The following WDR13 variants were observed in gnomAD, a reference collection of about 807,000 sequenced individuals.
The protein encoded by WDR13 is WD repeat-containing protein 13.
WDR13 carries 1 observed loss-of-function variant against 28.6 expected under a neutral mutation model. The observed-to-expected ratio is 0.03, with a 90% CI of 0.01 to 0.17. WDR13 has a LOEUF of 0.17. Among genes scored for constraint, WDR13 ranks in the 10% least tolerant of loss-of-function variants. The pLI is 1.00. For synonymous variants in WDR13, 201 were observed against 185.9 expected (o/e 1.08, Z -0.66); for missense variants, 264 against 469.3 (o/e 0.56, Z 4.04).
intron 3 of WDR13, 176 bp from the exon 4 acceptor site, chrX:48,599,177 C>A (rs1189004268): frequency 3.1e-6 from 2 of 647,067 alleles, no homozygotes; most frequent in African/African-American, 2.2e-5. Flanking sequence ...AGGGGGAGGG[C>A]AGGAACAGCA....
At position 48,598,996 on chromosome X, in the gene WDR13, C is replaced by T. The variant is rs782548116; in HGVS notation, c.282+39C>T. On this transcript the variant is annotated intron_variant, in intron 3 of 9. Coordinates refer to ENST00000376729, the MANE Select transcript of WDR13 (RefSeq NM_001347217.2). The stretch of plus-strand genomic sequence containing the variant: ...CACATTCACCCCCGGGCATACCCTG[C>T]CTGCACACATTCACTCCACTGACTT... The T allele has an allele frequency of 1.0e-4, 121 of 1,168,911 alleles. No individual in the cohort carries two copies. In the Admixed American group the frequency reaches 2.8e-3, roughly 27 times the overall value.
rs1569489636 is a variant in WDR13 at position 48,607,678 on chromosome X, T to C, written c.*2646T>C. 9.1e-6 allele frequency: 1 copy of C among 109,461 alleles called. No homozygotes were observed. Among genetic ancestry groups the C allele is most frequent in the African/African-American group, 3.3e-5 (1 of 30,013 alleles). The allele number at this position is 109,461 out of a possible 1,213,427, so 9.0% of individuals were successfully genotyped here. On this transcript the variant is annotated 3_prime_UTR_variant, in exon 10 of 10. Coordinates refer to ENST00000376729, the MANE Select transcript of WDR13 (RefSeq NM_001347217.2). Reference sequence around the variant, plus strand: ...CACCTGGCTGGTATCAAGTTTTTATTGGGGCATGGTCACATAGGCACCCCC... The same window carrying C: ...CACCTGGCTGGTATCAAGTTTTTATCGGGGCATGGTCACATAGGCACCCCC...
In WDR13 at chrX:48,607,575, C is replaced by G. The variant is rs781934819; in HGVS notation, c.*2543C>G. The G allele has an allele frequency of 9.2e-6, 1 of 108,816 alleles. No individual in the cohort carries two copies. The highest frequency in any genetic ancestry group is 1.9e-5 in the Non-Finnish European group (1 of 52,496). 9.0% of individuals were successfully genotyped at this position (108,816 alleles called of 1,213,427 possible). ...TAGGGATGGGGTTTCACCATGTTGGCCAGGCTGATCTTGAACTCCTGACCT... is the reference window on the plus strand; with the variant it reads ...TAGGGATGGGGTTTCACCATGTTGGGCAGGCTGATCTTGAACTCCTGACCT... On this transcript the variant is annotated 3_prime_UTR_variant, in exon 10 of 10. Transcript: ENST00000376729.
Position 48,598,822 on chromosome X carries a change from G to T in WDR13, c.147G>T (p.Ala49=). The T allele has an allele frequency of 8.3e-7, 1 of 1,205,454 alleles. No individual in the cohort carries two copies. Among genetic ancestry groups the T allele is most frequent in the Non-Finnish European group, 1.1e-6 (1 of 892,527 alleles). The change falls in exon 3 of 10, where the codon GCG becomes GCT. Residue 49 remains alanine, a synonymous_variant. Coordinates refer to ENST00000376729, the MANE Select transcript of WDR13 (RefSeq NM_001347217.2). The stretch of plus-strand genomic sequence containing the variant: ...ATGCCAAGGCTGGGCACCCCCCAGC[G>T]CTGCGTCGGCAGTACCTGAGGCTTC... ...RENAKAGHPP[A]LRRQYLRLRG...
In WDR13 at chrX:48,604,284, C is replaced by T. The variant is rs143153713; in HGVS notation, c.1167C>T (p.Asn389=). The T allele has an allele frequency of 9.5e-5, 115 of 1,209,664 alleles. No individual in the cohort carries two copies. The highest frequency in any genetic ancestry group is 1.2e-4 in the Non-Finnish European group (107 of 894,738). Residue 389 remains asparagine, a synonymous_variant, in exon 9 of 10, where the codon AAC becomes AAT. Coordinates refer to ENST00000376729, the MANE Select transcript of WDR13 (RefSeq NM_001347217.2). The stretch of plus-strand genomic sequence containing the variant: ...CTCATCCTCTCAGGGTGGTAGACAA[C>T]GAGGGGACCCTGCAGCTGAAGAGAA... The part of the protein sequence containing the change: ...NKLLLYRVVD[N]EGTLQLKRSF...
chrX:48,604,083 G>A (rs782442516), intron 8 of WDR13, 189 bp from the exon 9 acceptor site: 109 of 403,860 alleles, frequency 2.7e-4, no homozygotes, highest in African/African-American at 2.3e-3. Flanking sequence ...AGGCTGCAGT[G>A]AGCCGTGATC....
chrX:48,598,316 A>G, intron 2 of WDR13: 1 of 1,041,892 alleles, frequency 9.6e-7, no homozygotes, highest in South Asian at 2.8e-5. Context: ...CCTATCCCCT[A>G]TGGGTGTCCC....
At position 48,601,927 on chromosome X, in the gene WDR13, T is replaced by C; in HGVS notation, c.975T>C (p.Arg325=). The change falls in exon 7 of 10, where the codon CGT becomes CGC. Residue 325 remains arginine, a synonymous_variant. Coordinates refer to ENST00000376729, the MANE Select transcript of WDR13 (RefSeq NM_001347217.2). ...PGRLLWAGDD[R]GSVFSFLFDM... ...GGCTGCTCTGGGCGGGTGATGACCG[T>C]GGCAGTGTCTTCTCTTTCCTCTTTG... 8.4e-7 allele frequency: 1 copy of C among 1,197,213 alleles called. No individual in the cohort carries two copies. The highest frequency in any genetic ancestry group is 1.7e-5 in the African/African-American group (1 of 57,702).
intron 5 of WDR13, 174 bp from the exon 6 acceptor site, chrX:48,600,145 C>T (rs1461173994): frequency 4.2e-6 from 2 of 480,142 alleles, no homozygotes; most frequent in Middle Eastern, 5.4e-4. Flanking sequence ...GGAGCTTTGG[C>T]AGAGGGTCTT....
Position 48,599,372 on chromosome X carries a change from G to C in WDR13, c.302G>C (p.Arg101Pro). The change falls in exon 4 of 10, where the codon CGG becomes CCG. Residue 101 changes from arginine (R) to proline (P), a missense_variant. Arg to Pro is a moderately radical substitution (Grantham distance 103). Transcript: ENST00000376729. ...TTGCAGGACTTTGAGGATGATCCTC[G>C]GGCCCTGGGGGCCCGTGGGCACCGT... ...DRMEDFEDDP[R>P]ALGARGHRRS... 1.7e-6 allele frequency: 2 copies of C among 1,199,079 alleles called. No homozygotes were observed. The highest frequency in any genetic ancestry group is 2.2e-6 in the Non-Finnish European group (2 of 890,488).
intron 8 of WDR13, among the ~76,000 whole-genome samples, chrX:48,603,580 G>A (rs1228394791): frequency 3.6e-5 from 4 of 111,734 alleles, no homozygotes; most frequent in East Asian, 2.8e-4. Flanking sequence ...CTTGGGAGGC[G>A]GAGGTTGCAG....
intron 2 of WDR13, chrX:48,598,413 C>T: frequency 9.9e-7 from 1 of 1,010,772 alleles, no homozygotes; most frequent in Admixed American, 5.1e-5. Context: ...AGTCTGATTT[C>T]TGTCGCCCTG....
rs1406599671 is a variant in WDR13 at position 48,605,931 on chromosome X, CAGAG to C, written c.*903_*906del. 5 of 110,244 alleles carry C rather than the reference CAGAG, an allele frequency of 4.5e-5. No homozygotes were observed. The highest frequency in any genetic ancestry group is 9.5e-5 in the Non-Finnish European group (5 of 52,899). 9.1% of individuals were successfully genotyped at this position (110,244 alleles called of 1,213,427 possible). A position where few individuals can be genotyped will look rare whatever the true frequency, so the allele number is the denominator to read the frequency against. On this transcript the variant is annotated 3_prime_UTR_variant, in exon 10 of 10. Coordinates refer to ENST00000376729, the MANE Select transcript of WDR13 (RefSeq NM_001347217.2). ...TAGTGTAGGGGGAGAACATTCCAGG[CAGAG>C]AGAAAGCCAGCCTAAAGGCACTGAG...
intron 3 of WDR13, 141 bp from the exon 4 acceptor site, chrX:48,599,212 T>A: frequency 1.6e-6 from 1 of 609,346 alleles, no homozygotes; most frequent in South Asian, 3.1e-5. Flanking sequence ...GCCACTGCAG[T>A]AGTACAAGTG....
At position 48,600,519 on chromosome X, in the gene WDR13, C is replaced by T. The variant is rs868958595; in HGVS notation, c.724C>T (p.Arg242Cys). 2 of 1,212,021 alleles carry T rather than the reference C, an allele frequency of 1.7e-6. No individual in the cohort carries two copies. Among genetic ancestry groups the T allele is most frequent in the Non-Finnish European group, 1.1e-6 (1 of 895,526 alleles). The change falls in exon 6 of 10, where the codon CGC (arginine) becomes TGC (cysteine). Residue 242 changes from arginine to cysteine, a missense_variant. By Grantham distance (180) the Arg-to-Cys change is radical. This residue lies in a region of WDR13 where 157 missense variants were observed against 270.2 expected (regional missense o/e 0.58). Transcript: ENST00000376729. Reference protein sequence around the residue: ...LVSTSLDATMRIWASEDGRCI... With the variant: ...LVSTSLDATMCIWASEDGRCI... ...GTCCACCTCACTGGATGCCACCATG[C>T]GCATCTGGGCCTCTGAGGATGGTCG...
intron 6 of WDR13, 115 bp from the exon 7 acceptor site, chrX:48,601,669 T>A: frequency 1.3e-6 from 1 of 757,653 alleles, no homozygotes; most frequent in Non-Finnish European, 1.8e-6. Flanking sequence ...ACAGCCCTAT[T>A]GTGAATAGAC....
At chrX:48,598,654 C>G (rs1262131354) in intron 2 of WDR13, 63 bp from the exon 3 acceptor site, 36 of 983,880 alleles carry the variant, frequency 3.7e-5, no homozygotes, top group Non-Finnish European at 4.3e-5. Context: ...GTACCCCCCC[C>G]CCCGAGCTGA....
In WDR13 at chrX:48,608,639, T is replaced by A. The variant is rs1440679109; in HGVS notation, c.*3607T>A. On this transcript the variant is annotated 3_prime_UTR_variant, in exon 10 of 10. Transcript: ENST00000376729. Reference sequence around the variant, plus strand: ...AATTTTGAGGAACCTCCTTTTTCGCTAACACTTTCTTCTTTTGTTTACACT... The same window carrying A: ...AATTTTGAGGAACCTCCTTTTTCGCAAACACTTTCTTCTTTTGTTTACACT... 2 of 112,326 alleles carry A rather than the reference T, an allele frequency of 1.8e-5. 1 individual carries two copies. The highest frequency in any genetic ancestry group is 1.9e-4 in the Admixed American group (2 of 10,551). 9.3% of individuals were successfully genotyped at this position (112,326 alleles called of 1,213,427 possible). A position where few individuals can be genotyped will look rare whatever the true frequency, so the allele number is the denominator to read the frequency against.
At chrX:48,602,551 T>C (rs2062194586) in intron 8 of WDR13, among the ~76,000 whole-genome samples, 1 of 92,686 alleles carries the variant, frequency 1.1e-5, no homozygotes, top group Non-Finnish European at 2.3e-5. Flanking sequence ...TTTTTTTTTT[T>C]GCGGGGAGTA....
Sources: gnomAD v4.1 joint callset for allele counts (sites outside exome capture counted in the v4.1 genomes callset) on GRCh38, gnomAD v4.1.1 for gene constraint, gnomAD v4.1.1 regional missense constraint, MANE v1.5 for transcripts, NCBI Gene and HGNC (gene_info 2026-07-23, HGNC 2026-07-21) for gene names.